The following CTNND2 variants were observed in gnomAD, a reference collection of about 807,000 sequenced individuals.
The protein encoded by CTNND2 is catenin delta-2.
In CTNND2, 22 loss-of-function variants were observed where a neutral mutation model predicts 144.4. That is an observed-to-expected ratio of 0.15 (90% CI 0.11 to 0.22). The LOEUF is 0.22. CTNND2 is among the 10% of genes least tolerant of loss of function. The pLI, the probability that CTNND2 is intolerant of heterozygous loss-of-function variation, is 1.00. For missense variants in CTNND2, 1,353 were observed against 1,618.8 expected (o/e 0.84, Z 2.82); for synonymous variants, 751 against 695.6 (o/e 1.08, Z -1.25).
intron 1 of CTNND2, among the ~76,000 whole-genome samples, chr5:11,811,017 T>C (rs1792302302): frequency 6.6e-6 from 1 of 152,150 alleles, no homozygotes; most frequent in South Asian, 2.1e-4. Flanking sequence ...CCATAAGAAG[T>C]CATCTTAAAA....
At chr5:11,488,153 T>G (rs1435618973) in intron 3 of CTNND2, among the ~76,000 whole-genome samples, 1 of 152,250 alleles carries the variant, frequency 6.6e-6, no homozygotes, top group African/African-American at 2.4e-5. Flanking sequence ...TTACTTAGTA[T>G]TTCTTAAACT....
intron 2 of CTNND2, among the ~76,000 whole-genome samples, chr5:11,728,834 G>A (rs956562736): frequency 2.0e-4 from 31 of 151,864 alleles, no homozygotes; most frequent in Non-Finnish European, 1.2e-4. Context: ...TTTACATATG[G>A]TTGTCTTATA....
At chr5:11,755,549 G>T (rs1180431702) in intron 1 of CTNND2, among the ~76,000 whole-genome samples, 1 of 151,120 alleles carries the variant, frequency 6.6e-6, no homozygotes, top group African/African-American at 2.4e-5. Context: ...CAAGTTGCTT[G>T]CTTACTCTCC....
At chr5:11,143,728 C>CTAAGGAGAGTAAATCATTTGATTTA (rs1756967010) in intron 12 of CTNND2, among the ~76,000 whole-genome samples, 1 of 152,186 alleles carries the variant, frequency 6.6e-6, no homozygotes, top group South Asian at 2.1e-4. Flanking sequence ...CAAAACAGCC[C>CTAAGGAGAGTAAATCATTTGATTTA]CTAATAAGGA....
intron 9 of CTNND2, among the ~76,000 whole-genome samples, chr5:11,342,729 G>C (rs564669421): frequency 1.1e-4 from 17 of 152,280 alleles, no homozygotes; most frequent in Admixed American, 6.5e-4. Context: ...TATCAGTCTT[G>C]CTGTGTTTTT....
At chr5:11,321,920 G>A (rs190246356) in intron 9 of CTNND2, among the ~76,000 whole-genome samples, 166 of 152,140 alleles carry the variant, frequency 1.1e-3, no homozygotes, top group African/African-American at 3.8e-3. Flanking sequence ...ATGATTCCAA[G>A]CACAATGAAT....
chr5:11,862,394 A>AT (rs1283273582), intron 1 of CTNND2, among the ~76,000 whole-genome samples: 1 of 152,168 alleles, frequency 6.6e-6, no homozygotes, highest in African/African-American at 2.4e-5. Context: ...AAATCTTGGA[A>AT]TTTGTTCAAG....
At chr5:11,597,054 C>T (rs1448770949) in intron 2 of CTNND2, among the ~76,000 whole-genome samples, 3 of 152,122 alleles carry the variant, frequency 2.0e-5, no homozygotes, top group Non-Finnish European at 4.4e-5. Flanking sequence ...GAATCTCTGA[C>T]GATAAAAGGA....
intron 14 of CTNND2, among the ~76,000 whole-genome samples, chr5:11,106,984 G>A (rs1421385213): frequency 6.6e-6 from 1 of 152,182 alleles, no homozygotes; most frequent in Non-Finnish European, 1.5e-5. Context: ...CCCTGAAGAT[G>A]AGAGCCCCAT....
chr5:11,013,183 T>G (rs1413506905), intron 18 of CTNND2, among the ~76,000 whole-genome samples: 2 of 152,216 alleles, frequency 1.3e-5, no homozygotes, highest in African/African-American at 4.8e-5. Context: ...TAAGATCTCC[T>G]TGTTTATCAA....
intron 1 of CTNND2, among the ~76,000 whole-genome samples, chr5:11,864,755 T>C (rs1331431664): frequency 6.6e-6 from 1 of 152,138 alleles, no homozygotes; most frequent in African/African-American, 2.4e-5. Flanking sequence ...CCAGTTGTGA[T>C]GTGCAAAATG....
intron 16 of CTNND2, among the ~76,000 whole-genome samples, chr5:11,037,135 A>C (rs1561208160): frequency 1.3e-5 from 2 of 152,216 alleles, no homozygotes; most frequent in Non-Finnish European, 2.9e-5. Flanking sequence ...CACACATTGG[A>C]TGGAATAAAT....
At chr5:11,244,174 T>C (rs1009740004) in intron 9 of CTNND2, among the ~76,000 whole-genome samples, 1 of 152,196 alleles carries the variant, frequency 6.6e-6, no homozygotes, top group African/African-American at 2.4e-5. Flanking sequence ...TTTACATTCT[T>C]GTTGACCAAA....
At chr5:11,406,132 A>G (rs1761088092) in intron 5 of CTNND2, among the ~76,000 whole-genome samples, 1 of 152,144 alleles carries the variant, frequency 6.6e-6, no homozygotes, top group South Asian at 2.1e-4. Flanking sequence ...GGGCAACAAA[A>G]GCAAAATTCC....
rs73743744 is a variant in CTNND2 at position 11,302,030 on chromosome 5, T to G, written c.1628+44342A>C. ...TGTGGGCAACTGGGAGTTGGATCCT[T>G]GGCACACCATGAGCTGGAGCTGAGA... On this transcript the variant is annotated intron_variant, in intron 9 of 21. Coordinates refer to ENST00000304623, the MANE Select transcript of CTNND2 (RefSeq NM_001332.4). 2.2e-3 allele frequency among the ~76,000 whole-genome samples: 340 copies of G among 152,272 alleles called. 4 individuals are homozygous for G. The highest frequency in any genetic ancestry group is 7.9e-3 in the African/African-American group (329 of 41,554).
chr5:11,032,858 T>C (rs752565175), intron 16 of CTNND2, among the ~76,000 whole-genome samples: 1 of 152,246 alleles, frequency 6.6e-6, no homozygotes, highest in Non-Finnish European at 1.5e-5. Context: ...TTTAGGATAC[T>C]TAGGAAGACT....
At chr5:11,612,898 T>G (rs1426416225) in intron 2 of CTNND2, among the ~76,000 whole-genome samples, 1 of 152,138 alleles carries the variant, frequency 6.6e-6, no homozygotes, top group African/African-American at 2.4e-5. Flanking sequence ...AGACCCTGCC[T>G]CAATATAAAT....
At chr5:11,269,270 C>T (rs1237422230) in intron 9 of CTNND2, among the ~76,000 whole-genome samples, 1 of 152,234 alleles carries the variant, frequency 6.6e-6, no homozygotes, top group African/African-American at 2.4e-5. Flanking sequence ...GATACTGAAT[C>T]ACTCATCTTT....
intron 3 of CTNND2, among the ~76,000 whole-genome samples, chr5:11,515,269 G>A (rs1248964952): frequency 6.6e-6 from 1 of 152,134 alleles, no homozygotes; most frequent in Non-Finnish European, 1.5e-5. Context: ...TATAATAAAA[G>A]TGACACTGGA....
Sources: gnomAD v4.1 joint callset for allele counts (sites outside exome capture counted in the v4.1 genomes callset) on GRCh38, gnomAD v4.1.1 for gene constraint, MANE v1.5 for transcripts, NCBI Gene and HGNC (gene_info 2026-07-23, HGNC 2026-07-21) for gene names.